The following RPL13A variants were observed in gnomAD, a reference collection of about 807,000 sequenced individuals.
The protein encoded by RPL13A is large ribosomal subunit protein uL13.
Under a neutral mutation model 30.8 loss-of-function variants are expected in RPL13A, and 4 were observed. The observed-to-expected ratio is 0.13, with a 90% CI of 0.06 to 0.30. The LOEUF is 0.30. Among genes scored for constraint, RPL13A ranks in the 10% least tolerant of loss-of-function variants. The pLI, the probability that RPL13A is intolerant of heterozygous loss-of-function variation, is 1.00. For missense variants in RPL13A, 196 were observed against 272.6 expected, an observed-to-expected ratio of 0.72 and a Z score of 1.98; for synonymous variants, 108 against 104.2, an observed-to-expected ratio of 1.04 and a Z score of -0.22.
chr19:49,490,650 G>C (rs775139567), intron 4 of RPL13A, 74 bp downstream of exon 4: 2 of 1,579,254 alleles, frequency 1.3e-6, no homozygotes, highest in South Asian at 1.1e-5. Context: ...ACTCACATTC[G>C]AGTTTCCCGA....
chr19:49,489,827 C>T (rs1230288416), intron 1 of RPL13A, 23 bp from the exon 2 acceptor site: 6 of 1,541,674 alleles, frequency 3.9e-6, no homozygotes, highest in Non-Finnish European at 5.2e-6. Context: ...GTCTCTGAGT[C>T]CTTTTGCCCT....
intron 1 of RPL13A, among the ~76,000 whole-genome samples, 196 bp downstream of exon 1, chr19:49,487,840 C>T (rs116431448): frequency 2.9e-3 from 447 of 152,314 alleles, no homozygotes; most frequent in African/African-American, 9.9e-3. Flanking sequence ...TACAATGTGG[C>T]ATTTCCTTCT....
intron 1 of RPL13A, among the ~76,000 whole-genome samples, chr19:49,488,862 C>T (rs1354191668): frequency 2.0e-5 from 3 of 152,220 alleles, no homozygotes; most frequent in East Asian, 1.9e-4. Context: ...CCTGCCACGA[C>T]GCTTGGCTAA....
intron 1 of RPL13A, among the ~76,000 whole-genome samples, chr19:49,488,000 G>C (rs1397925821): frequency 6.6e-6 from 1 of 152,100 alleles, no homozygotes; most frequent in Non-Finnish European, 1.5e-5. Flanking sequence ...GGAACACGCG[G>C]AAGTGTGGCC....
intron 6 of RPL13A, 155 bp downstream of exon 6, chr19:49,491,254 C>G: frequency 8.5e-7 from 1 of 1,180,568 alleles, no homozygotes. Context: ...TTAGCTGATG[C>G]CAGGAGGCTT....
At chr19:49,489,568 C>T (rs964291564) in intron 1 of RPL13A, among the ~76,000 whole-genome samples, 1 of 152,222 alleles carries the variant, frequency 6.6e-6, no homozygotes, top group Non-Finnish European at 1.5e-5. Context: ...AATCCAATTG[C>T]TTTGCAAAAT....
chr19:49,490,286 A>G lies in RPL13A; in HGVS notation c.143A>G (p.Tyr48Cys). ...GGCATCAACATTTCTGGCAATTTCTACAGAAACAAGTGTAAGTTAGGACCT... is the reference window on the plus strand; with the variant it reads ...GGCATCAACATTTCTGGCAATTTCTGCAGAAACAAGTGTAAGTTAGGACCT... Reference protein sequence around the residue: ...CEGINISGNFYRNKLKYLAFL... With the variant: ...CEGINISGNFCRNKLKYLAFL... Residue 48 changes from tyrosine (Y) to cysteine (C), a missense_variant, in exon 3 of 8, where the codon TAC becomes TGC. Tyr to Cys is a radical substitution (Grantham distance 194). Transcript: ENST00000391857. 7 of 1,614,088 alleles carry G rather than the reference A, an allele frequency of 4.3e-6. No individual in the cohort carries two copies. The highest frequency in any genetic ancestry group is 5.9e-6 in the Non-Finnish European group (7 of 1,179,984).
chr19:49,491,207 C>T (rs778966026), intron 6 of RPL13A, 108 bp downstream of exon 6: 15 of 1,374,068 alleles, frequency 1.1e-5, no homozygotes, highest in African/African-American at 2.8e-5. Flanking sequence ...CGATGGTCTG[C>T]GGATGTCCCT....
Position 49,490,262 on chromosome 19 carries a change from G to C in RPL13A, c.119G>C (p.Gly40Ala), listed in dbSNP as rs199838441. 3 of 1,614,184 alleles carry C rather than the reference G, an allele frequency of 1.9e-6. No homozygotes were observed. The East Asian group carries it at 6.7e-5, about 36-fold the overall frequency. The change falls in exon 3 of 8, where the codon GGC (glycine) becomes GCC (alanine). Residue 40 changes from glycine to alanine, a missense_variant. By Grantham distance (60) the Gly-to-Ala change is moderately conservative (BLOSUM62 0). Transcript: ENST00000391857. ...AAGGTGGTGGTCGTACGCTGTGAAG[G>C]CATCAACATTTCTGGCAATTTCTAC... ...GRKVVVVRCE[G>A]INISGNFYRN...
chr19:49,489,180 G>A (rs55713091), intron 1 of RPL13A, among the ~76,000 whole-genome samples: 185 of 152,310 alleles, frequency 1.2e-3, no homozygotes, highest in Non-Finnish European at 2.1e-3. Flanking sequence ...CTATACATTA[G>A]AAGAGAATTA....
chr19:49,489,879 C>T lies in RPL13A; in HGVS notation c.45C>T (p.Leu15=), dbSNP rs748292648. ...QVLVLDGRGH[L]LGRLAAIVAK... Reference sequence around the variant, plus strand: ...TGGTGCTTGATGGTCGAGGCCATCTCCTGGGCCGCCTGGCGGCCATCGTGG... The same window carrying T: ...TGGTGCTTGATGGTCGAGGCCATCTTCTGGGCCGCCTGGCGGCCATCGTGG... The change falls in exon 2 of 8, where the codon CTC becomes CTT. Residue 15 remains leucine, a synonymous_variant. Coordinates refer to ENST00000391857, the MANE Select transcript of RPL13A (RefSeq NM_012423.4). The T allele has an allele frequency of 6.2e-7, 1 of 1,614,202 alleles. No individual in the cohort carries two copies. The highest frequency in any genetic ancestry group is 2.2e-5 in the East Asian group (1 of 44,886).
intron 1 of RPL13A, among the ~76,000 whole-genome samples, chr19:49,488,157 TCTGCGGGGGGTCGAGAGCTGTTGG>T (rs1348740675): frequency 1.3e-5 from 2 of 152,216 alleles, no homozygotes; most frequent in African/African-American, 4.8e-5. Context: ...TCAATGCCTT[TCTGCGGGGGGTCGAGAGCTGTTGG>T]CTGCGGGGCA....
intron 7 of RPL13A, 29 bp from the exon 8 acceptor site, chr19:49,491,700 C>T (rs766632475): frequency 6.2e-7 from 1 of 1,605,018 alleles, no homozygotes; most frequent in Non-Finnish European, 8.5e-7. Context: ...CCCCTCCTGA[C>T]CACCACCACC....
chr19:49,491,300 G>GGCC, intron 6 of RPL13A, 125 bp from the exon 7 acceptor site: 1 of 1,157,020 alleles, frequency 8.6e-7, no homozygotes, highest in Non-Finnish European at 1.3e-6. Context: ...GCAGAGAACA[G>GGCC]TTGCATTATG....
chr19:49,491,402 A>AGGGGG, intron 6 of RPL13A, 23 bp from the exon 7 acceptor site: 1 of 236,632 alleles, frequency 4.2e-6, no homozygotes, highest in Non-Finnish European at 7.8e-6. Flanking sequence ...TCATTTGTTC[A>AGGGGG]CCCCCCCCCC....
Position 49,488,008 on chromosome 19 carries a change from G to T in RPL13A, c.15+364G>T, listed in dbSNP as rs549866563. Among the ~76,000 whole-genome samples, 26 of 152,138 alleles carry T rather than the reference G, an allele frequency of 1.7e-4. 1 individual carries two copies. The highest frequency in any genetic ancestry group is 1.0e-4 in the Non-Finnish European group (7 of 68,030). ...GCGATGAGGAACACGCGGAAGTGTG[G>T]CCGGGCGGTCTCGGGGCAATGAGAA... On this transcript the variant is annotated intron_variant, in intron 1 of 7. Transcript: ENST00000391857.
rs1323296325 is a variant in RPL13A at position 49,490,469 on chromosome 19, C to T, written c.155-6C>T. On this transcript the variant is annotated splice_polypyrimidine_tract_variant and splice_region_variant and intron_variant, in intron 3 of 7. Transcript: ENST00000391857. The stretch of plus-strand genomic sequence containing the variant: ...GGGCAGGCCTCACACTCTCCCCTCT[C>T]CCTAGTGAAGTACCTGGCTTTCCTC... 3 of 1,614,016 alleles carry T rather than the reference C, an allele frequency of 1.9e-6. No homozygotes were observed. Among genetic ancestry groups the T allele is most frequent in the East Asian group, 2.2e-5 (1 of 44,878 alleles).
At chr19:49,490,674 CCA>C (rs1435035845) in intron 4 of RPL13A, 98 bp downstream of exon 4, 2 of 1,562,286 alleles carry the variant, frequency 1.3e-6, no homozygotes, top group Non-Finnish European at 1.8e-6. Flanking sequence ...TGAGATGACT[CCA>C]CATGCACTAC....
At chr19:49,491,141 C>T in intron 6 of RPL13A, 42 bp downstream of exon 6, 1 of 1,609,732 alleles carries the variant, frequency 6.2e-7, no homozygotes, top group Non-Finnish European at 8.5e-7. Flanking sequence ...TGGGAGATTT[C>T]AGGCCTGCTG....
Sources: gnomAD v4.1 joint callset for allele counts (sites outside exome capture counted in the v4.1 genomes callset) on GRCh38, gnomAD v4.1.1 for gene constraint, MANE v1.5 for transcripts, NCBI Gene and HGNC (gene_info 2026-07-23, HGNC 2026-07-21) for gene names.